The following FHDC1 variants were observed in gnomAD, a reference collection of about 807,000 sequenced individuals.
FHDC1 encodes FH2 domain containing 1, also known as FH2 domain-containing protein 1.
Under a neutral mutation model 52.6 loss-of-function variants are expected in FHDC1, and 25 were observed. That is an observed-to-expected ratio of 0.48 (90% CI 0.35 to 0.66). The LOEUF is 0.66. Among genes scored for constraint, FHDC1 ranks in the 30% least tolerant of loss-of-function variants. The probability of loss-of-function intolerance (pLI) is 0.01; values close to 1 mark genes in which losing one functional copy is unlikely to be tolerated. For missense variants in FHDC1, 1,459 were observed against 1,452.8 expected, an observed-to-expected ratio of 1.00 and a Z score of -0.07; for synonymous variants, 616 against 581.5, an observed-to-expected ratio of 1.06 and a Z score of -0.85.
At chr4:152,936,243 G>A (rs921890778), upstream of FHDC1, 4 of 152,238 alleles carry the variant, frequency 2.6e-5, no homozygotes, top group Non-Finnish European at 4.4e-5. Context: ...GGAGCAGCGA[G>A]GCCGCAGCTT....
At chr4:152,963,201 G>T in intron 8 of FHDC1, 71 bp downstream of exon 8, 1 of 1,326,866 alleles carries the variant, frequency 7.5e-7, no homozygotes. Flanking sequence ...TTTTTCCCAG[G>T]CATAAGATGG....
the FHDC1 span, among the ~76,000 whole-genome samples, chr4:152,923,750 A>G: frequency 6.6e-6 from 1 of 152,052 alleles, no homozygotes; most frequent in Admixed American, 6.5e-5. Context: ...AAAACAAGCA[A>G]TGGGGAAAGG....
At chr4:152,969,810 C>T (rs975069669) in intron 10 of FHDC1, among the ~76,000 whole-genome samples, 2 of 151,990 alleles carry the variant, frequency 1.3e-5, no homozygotes, top group Non-Finnish European at 2.9e-5. Flanking sequence ...GCTGAGACTA[C>T]AGGCGCATGT....
At chr4:152,971,855 T>G (rs1402325825) in intron 10 of FHDC1, among the ~76,000 whole-genome samples, 1 of 152,178 alleles carries the variant, frequency 6.6e-6, no homozygotes, top group East Asian at 1.9e-4. Flanking sequence ...ACGAGGGTTT[T>G]GGTCCTGTGG....
intron 2 of FHDC1, among the ~76,000 whole-genome samples, chr4:152,944,121 G>A (rs1739657505): frequency 6.6e-6 from 1 of 152,108 alleles, no homozygotes; most frequent in Non-Finnish European, 1.5e-5. Context: ...AAGAGACAAA[G>A]CATAAAGCTG....
Position 152,962,846 on chromosome 4 carries a change from T to A in FHDC1, c.883T>A (p.Leu295Ile). ...GTCATGTGAAGAGCTACATTCAATA[T>A]TACACTTGGTGCTCCAGGCTGGGAA... is the stretch of plus-strand genomic sequence containing the variant. The part of the protein sequence containing the change: ...LMSCEELHSI[L>I]HLVLQAGNIM... Residue 295 changes from leucine to isoleucine, a missense_variant, in exon 7 of 12, where the codon TTA becomes ATA. By Grantham distance (5) the Leu-to-Ile change is conservative (BLOSUM62 2). Around this residue, in one of 3 missense-constraint regions of FHDC1, gnomAD observed 513 missense variants for 581.5 expected, o/e 0.88. Transcript: ENST00000511601. 6.2e-7 allele frequency: 1 copy of A among 1,614,118 alleles called. No individual in the cohort carries two copies.
intron 2 of FHDC1, among the ~76,000 whole-genome samples, chr4:152,947,216 C>CAAA (rs781228959): frequency 1.4e-5 from 1 of 69,930 alleles, no homozygotes; most frequent in Non-Finnish European, 3.0e-5. Context: ...AAGACTGTCT[C>CAAA]AAAAAAAAAA....
chr4:152,964,814 G>A, intron 8 of FHDC1, 91 bp from the exon 9 acceptor site: 1 of 996,956 alleles, frequency 1.0e-6, no homozygotes, highest in South Asian at 1.5e-5. Context: ...AAAAACAGGA[G>A]CAGTGATTTT....
chr4:152,945,363 C>A (rs1462076447), intron 2 of FHDC1, among the ~76,000 whole-genome samples: 1 of 152,174 alleles, frequency 6.6e-6, no homozygotes, highest in Non-Finnish European at 1.5e-5. Context: ...TTGTCATTAA[C>A]TTATTTTTTA....
chr4:152,970,025 C>A (rs1272013751), intron 10 of FHDC1, among the ~76,000 whole-genome samples: 1 of 152,116 alleles, frequency 6.6e-6, no homozygotes, highest in African/African-American at 2.4e-5. Flanking sequence ...TTCTTAAATT[C>A]AACTTCCTTT....
At chr4:152,924,200 G>A in the FHDC1 span, among the ~76,000 whole-genome samples, 2 of 152,036 alleles carry the variant, frequency 1.3e-5, no homozygotes, top group African/African-American at 4.8e-5. Flanking sequence ...GTGGGCCAAG[G>A]ACATGAACAG....
Position 152,976,218 on chromosome 4 carries a change from A to T in FHDC1, c.2927A>T (p.Gln976Leu), listed in dbSNP as rs1201200218. ...STRPGRDVPL[Q>L]PRGSFKKPSA... ...CGTCCGGGGAGGGACGTTCCCCTGCAGCCCAGGGGTTCTTTCAAGAAGCCC... is the reference window on the plus strand; with the variant it reads ...CGTCCGGGGAGGGACGTTCCCCTGCTGCCCAGGGGTTCTTTCAAGAAGCCC... Residue 976 changes from glutamine (Q) to leucine (L), a missense_variant, in exon 12 of 12, where the codon CAG (glutamine) becomes CTG (leucine). Transcript: ENST00000511601. The T allele has an allele frequency of 3.1e-6, 5 of 1,612,892 alleles. No individual in the cohort carries two copies. The highest frequency in any genetic ancestry group is 4.2e-6 in the Non-Finnish European group (5 of 1,179,868).
chr4:152,956,252 A>AT (rs1740081570), intron 4 of FHDC1, among the ~76,000 whole-genome samples: 2 of 152,116 alleles, frequency 1.3e-5, no homozygotes, highest in Non-Finnish European at 2.9e-5. Context: ...GGACCTCTCT[A>AT]TACCCACTCC....
chr4:152,975,493 T>G lies in FHDC1; in HGVS notation c.2202T>G (p.Ser734Arg). 6.2e-7 allele frequency: 1 copy of G among 1,612,704 alleles called. No individual in the cohort carries two copies. Residue 734 changes from serine to arginine, a missense_variant, in exon 12 of 12, where the codon AGT becomes AGG. Coordinates refer to ENST00000511601, the MANE Select transcript of FHDC1 (RefSeq NM_001371116.1). ...CCATGGGCAGAGATGCCCTGGGGAG[T>G]CTCAGCCCAGCGCTGGAGGATGGCA... ...LTPMGRDALG[S>R]LSPALEDGKA... is the part of the protein sequence containing the mutation.
the FHDC1 span, chr4:152,911,838 A>C: frequency 6.6e-6 from 1 of 152,608 alleles, no homozygotes; most frequent in South Asian, 2.1e-4. Context: ...TACTTGTGAT[A>C]GTTCATTTAC....
intron 2 of FHDC1, among the ~76,000 whole-genome samples, chr4:152,949,118 T>G (rs35917488): frequency 0.075 from 5,572 of 74,526 alleles, 120 homozygotes; most frequent in South Asian, 0.087. Context: ...ATAATAATAA[T>G]AATAATAAGA....
chr4:152,964,189 A>G (rs1045123478), intron 8 of FHDC1, among the ~76,000 whole-genome samples: 3 of 152,172 alleles, frequency 2.0e-5, no homozygotes, highest in Admixed American at 6.5e-5. Context: ...GCTTATCTCA[A>G]TGTTTGGCCT....
At chr4:152,946,276 G>A (rs1369492818) in intron 2 of FHDC1, among the ~76,000 whole-genome samples, 1 of 152,172 alleles carries the variant, frequency 6.6e-6, no homozygotes, top group East Asian at 1.9e-4. Context: ...CCATGACTGT[G>A]TATCATAAGA....
chr4:152,971,749 G>A lies in FHDC1; in HGVS notation c.1219-628G>A, dbSNP rs568133537. On this transcript the variant is annotated intron_variant, in intron 10 of 11. Coordinates refer to ENST00000511601, the MANE Select transcript of FHDC1 (RefSeq NM_001371116.1). Reference sequence around the variant, plus strand: ...TGCTTTCAGAAAATATTAGTGTTGGGTCCACCCCAAACCTGTGAAATCGAA... The same window carrying A: ...TGCTTTCAGAAAATATTAGTGTTGGATCCACCCCAAACCTGTGAAATCGAA... Among the ~76,000 whole-genome samples the A allele has an allele frequency of 5.9e-5, 9 of 152,284 alleles. No individual in the cohort carries two copies. In the South Asian group the frequency reaches 1.9e-3, roughly 32 times the overall value.
Sources: gnomAD v4.1 joint callset for allele counts (sites outside exome capture counted in the v4.1 genomes callset) on GRCh38, gnomAD v4.1.1 for gene constraint, gnomAD v4.1.1 regional missense constraint, MANE v1.5 for transcripts, NCBI Gene and HGNC (gene_info 2026-07-23, HGNC 2026-07-21) for gene names.